The following HSD17B2 variants were observed in gnomAD, a reference collection of about 807,000 sequenced individuals.
The protein encoded by HSD17B2 is hydroxysteroid 17-beta dehydrogenase 2, also known as 17-beta-hydroxysteroid dehydrogenase type 2.
In HSD17B2, 32 loss-of-function variants were observed where a neutral mutation model predicts 26.9. The observed-to-expected ratio is 1.19, with a 90% CI of 0.90 to 1.60. The LOEUF is 1.60. Ranked by LOEUF, HSD17B2 falls within the 40% of genes most tolerant of loss-of-function variation. HSD17B2 has a pLI of 0.00. For missense variants in HSD17B2, 613 were observed against 468.6 expected (o/e 1.31, Z -2.85); for synonymous variants, 246 against 186.7 (o/e 1.32, Z -2.59).
chr16:82,057,360 G>T (rs542706333), intron 1 of HSD17B2, among the ~76,000 whole-genome samples: 2 of 152,090 alleles, frequency 1.3e-5, no homozygotes, highest in Admixed American at 1.3e-4. Flanking sequence ...CAACATGCCC[G>T]GCTACTTTTT....
At chr16:82,068,418 C>T (rs1018412714) in intron 2 of HSD17B2, 36 bp downstream of exon 2, 5 of 1,530,842 alleles carry the variant, frequency 3.3e-6, no homozygotes, top group Non-Finnish European at 4.5e-6. Flanking sequence ...CTTTACCCTC[C>T]TCCTGAATGC....
intron 4 of HSD17B2, chr16:82,091,769 A>T (rs1904701801): frequency 6.6e-6 from 1 of 152,404 alleles, no homozygotes; most frequent in African/African-American, 2.4e-5. Context: ...CTCAGTGTCC[A>T]CCCAGCAGGG....
At position 82,098,360 on chromosome 16, in the gene HSD17B2, C is replaced by T. The variant is rs751093970; in HGVS notation, c.1088C>T (p.Ala363Val). Reference sequence around the variant, plus strand: ...CCTATTGGCATATATGATTACTTTGCTAAAAGACATTTTGGCCAAGACAAG... The same window carrying T: ...CCTATTGGCATATATGATTACTTTGTTAAAAGACATTTTGGCCAAGACAAG... ...YLPIGIYDYF[A>V]KRHFGQDKPM... The change falls in exon 5 of 5, where the codon GCT becomes GTT. Residue 363 changes from alanine to valine, a missense_variant. Coordinates refer to ENST00000199936, the MANE Select transcript of HSD17B2 (RefSeq NM_002153.3). 2 of 1,614,130 alleles carry T rather than the reference C, an allele frequency of 1.2e-6. No individual in the cohort carries two copies. Among genetic ancestry groups the T allele is most frequent in the Non-Finnish European group, 8.5e-7 (1 of 1,180,016 alleles).
rs1299268172 is a variant in HSD17B2, at chr16:82,068,363, A to T, written c.459A>T (p.Ala153=). ...VQIKDAYSKV[A]AMLQDRGLWA... is the part of the protein sequence containing the mutation. ...TAAAAGATGCTTACAGCAAGGTTGCAGCAATGCTGCAGGACAGAGGTACTG... is the reference window on the plus strand; with the variant it reads ...TAAAAGATGCTTACAGCAAGGTTGCTGCAATGCTGCAGGACAGAGGTACTG... The change falls in exon 2 of 5, where the codon GCA becomes GCT. Residue 153 remains alanine, a synonymous_variant. Transcript: ENST00000199936. 2 of 1,612,750 alleles carry T rather than the reference A, an allele frequency of 1.2e-6. No individual in the cohort carries two copies. Among genetic ancestry groups the T allele is most frequent in the South Asian group, 1.1e-5 (1 of 90,816 alleles).
At chr16:82,094,053 G>C (rs1904768736) in intron 4 of HSD17B2, 1 of 152,226 alleles carries the variant, frequency 6.6e-6, no homozygotes, top group East Asian at 1.9e-4. Context: ...TTGCCATCTT[G>C]ATTTTGGTGG....
chr16:82,040,867 T>G (rs1913747303), intron 1 of HSD17B2, among the ~76,000 whole-genome samples: 2 of 152,180 alleles, frequency 1.3e-5, no homozygotes, highest in Admixed American at 6.5e-5. Context: ...TTGGTTAGAT[T>G]TGTAGATAGA....
intron 1 of HSD17B2, among the ~76,000 whole-genome samples, chr16:82,056,913 G>T (rs1290587458): frequency 6.6e-6 from 1 of 152,152 alleles, no homozygotes; most frequent in Non-Finnish European, 1.5e-5. Flanking sequence ...TCTTTCTGAA[G>T]CTTGGTTTCC....
intron 3 of HSD17B2, chr16:82,071,445 G>A: frequency 2.4e-6 from 1 of 414,808 alleles, no homozygotes; most frequent in South Asian, 2.2e-5. Context: ...TACAAATAAT[G>A]TCAGCATTTC....
In HSD17B2 at chr16:82,068,348, T is replaced by C; in HGVS notation, c.444T>C (p.Ala148=). 1 of 1,613,598 alleles carries C rather than the reference T, an allele frequency of 6.2e-7. No homozygotes were observed. Among genetic ancestry groups the C allele is most frequent in the Non-Finnish European group, 8.5e-7 (1 of 1,179,924 alleles). Residue 148 remains alanine (A), a synonymous_variant, in exon 2 of 5, where the codon GCT becomes GCC. Transcript: ENST00000199936. ...CGAAGCCAGTGCAGATAAAAGATGC[T>C]TACAGCAAGGTTGCAGCAATGCTGC... ...DITKPVQIKD[A]YSKVAAMLQD...
chr16:82,083,386 A>G (rs1392792866), intron 3 of HSD17B2, among the ~76,000 whole-genome samples: 1 of 152,128 alleles, frequency 6.6e-6, no homozygotes, highest in Non-Finnish European at 1.5e-5. Flanking sequence ...CAGAATGAAG[A>G]CAGACTGCCC....
chr16:82,075,070 T>A (rs1370043355), intron 3 of HSD17B2, among the ~76,000 whole-genome samples: 1 of 152,012 alleles, frequency 6.6e-6, no homozygotes, highest in Non-Finnish European at 1.5e-5. Context: ...TATAAGCACA[T>A]GGAAATTAAA....
Position 82,049,652 on chromosome 16 carries a change from C to T in HSD17B2, c.265+13963C>T, listed in dbSNP as rs149862898. On this transcript the variant is annotated intron_variant, in intron 1 of 4. Transcript: ENST00000199936. ...ACAGCCCTGGGGCTTTATCAGGAGA[C>T]TGACATTCCCATAAACAAGAGAGTC... 5.1e-3 allele frequency among the ~76,000 whole-genome samples: 782 copies of T among 152,326 alleles called. 6 individuals carry two copies. Among genetic ancestry groups the T allele is most frequent in the African/African-American group, 0.017 (725 of 41,574 alleles).
At chr16:82,047,559 G>A (rs1913971537) in intron 1 of HSD17B2, among the ~76,000 whole-genome samples, 1 of 152,204 alleles carries the variant, frequency 6.6e-6, no homozygotes, top group African/African-American at 2.4e-5. Context: ...TAATGTGTGA[G>A]AGTTCAGAGA....
chr16:82,039,512 A>T (rs577929818), intron 1 of HSD17B2, among the ~76,000 whole-genome samples: 1 of 152,290 alleles, frequency 6.6e-6, no homozygotes, highest in Admixed American at 6.5e-5. Flanking sequence ...TTGAGGGCCC[A>T]GTATGTGCCA....
intron 3 of HSD17B2, among the ~76,000 whole-genome samples, chr16:82,079,650 G>C (rs2143999692): frequency 6.6e-6 from 1 of 152,246 alleles, no homozygotes; most frequent in African/African-American, 2.4e-5. Flanking sequence ...AAGGGACAGG[G>C]GAATTCAGCA....
intron 1 of HSD17B2, among the ~76,000 whole-genome samples, chr16:82,060,532 C>A (rs1360661950): frequency 6.6e-6 from 1 of 152,232 alleles, no homozygotes; most frequent in Non-Finnish European, 1.5e-5. Flanking sequence ...TCTGGGTTTT[C>A]AGGTACAATC....
At chr16:82,064,019 T>A (rs1914513651) in intron 1 of HSD17B2, among the ~76,000 whole-genome samples, 1 of 152,198 alleles carries the variant, frequency 6.6e-6, no homozygotes, top group African/African-American at 2.4e-5. Context: ...TTCTTTGCAG[T>A]GAGCTGTTTC....
chr16:82,078,739 G>C (rs1273923607), intron 3 of HSD17B2, among the ~76,000 whole-genome samples: 3 of 152,186 alleles, frequency 2.0e-5, no homozygotes, highest in African/African-American at 7.2e-5. Context: ...GGAACTGGAA[G>C]TCATTATGTT....
intron 1 of HSD17B2, chr16:82,044,549 AT>A (rs1913861177): frequency 6.6e-6 from 1 of 152,036 alleles, no homozygotes; most frequent in Non-Finnish European, 1.5e-5. Flanking sequence ...GGCCTCTTGG[AT>A]TTTCTCCTCT....
Sources: gnomAD v4.1 joint callset for allele counts (sites outside exome capture counted in the v4.1 genomes callset) on GRCh38, gnomAD v4.1.1 for gene constraint, MANE v1.5 for transcripts, NCBI Gene and HGNC (gene_info 2026-07-23, HGNC 2026-07-21) for gene names.